Variants in ZBTB45 observed in about 807,000 individuals in gnomAD.
ZBTB45 encodes zinc finger and BTB domain-containing protein 45.
Under a neutral mutation model 28.4 loss-of-function variants are expected in ZBTB45, and 22 were observed. The observed-to-expected ratio is 0.77, with a 90% CI of 0.55 to 1.10. ZBTB45 has a LOEUF of 1.10. ZBTB45 is among the 50% of genes least tolerant of loss of function. ZBTB45 has a pLI of 0.00. For synonymous variants in ZBTB45, 361 were observed against 332.3 expected, an observed-to-expected ratio of 1.09 and a Z score of -0.94; for missense variants, 656 against 750.2, an observed-to-expected ratio of 0.87 and a Z score of 1.47.
Position 58,513,864 on chromosome 19 carries a change from T to G in ZBTB45, c.*190A>C. 1.5e-6 allele frequency: 1 copy of G among 655,874 alleles called. No homozygotes were observed. Among genetic ancestry groups the G allele is most frequent in the Non-Finnish European group, 2.2e-6 (1 of 445,168 alleles). 40.6% of individuals were successfully genotyped at this position (655,874 alleles called of 1,614,324 possible). ...CCCCAGCCCGGCACCACCTGGAGGG[T>G]TCAAGTACATGGAGGAGAGGAGTAA... On this transcript the variant is annotated 3_prime_UTR_variant, in exon 3 of 3. Coordinates refer to ENST00000594051, the MANE Select transcript of ZBTB45 (RefSeq NM_001316979.2).
At chr19:58,534,383 ATAT>A (rs761821447) in intron 1 of ZBTB45, among the ~76,000 whole-genome samples, 54 of 151,222 alleles carry the variant, frequency 3.6e-4, no homozygotes, top group East Asian at 7.7e-4. Flanking sequence ...TATTATGTGA[ATAT>A]TATTATTATT....
At chr19:58,532,399 G>A (rs1426806222) in intron 1 of ZBTB45, among the ~76,000 whole-genome samples, 1 of 152,122 alleles carries the variant, frequency 6.6e-6, no homozygotes, top group African/African-American at 2.4e-5. Flanking sequence ...AATAACGTAA[G>A]GCTACATGGC....
At chr19:58,533,696 C>T (rs1175204008) in intron 1 of ZBTB45, among the ~76,000 whole-genome samples, 1 of 152,198 alleles carries the variant, frequency 6.6e-6, no homozygotes, top group Non-Finnish European at 1.5e-5. Flanking sequence ...TGCTCCCACC[C>T]ATTCCCCAAC....
intron 1 of ZBTB45, among the ~76,000 whole-genome samples, chr19:58,538,437 T>C (rs1448827506): frequency 6.6e-6 from 1 of 151,894 alleles, no homozygotes; most frequent in Non-Finnish European, 1.5e-5. Flanking sequence ...GGCGTGGCCC[T>C]ATGAAGGGGC....
chr19:58,530,724 C>T (rs755433444), intron 1 of ZBTB45, among the ~76,000 whole-genome samples: 2 of 151,496 alleles, frequency 1.3e-5, no homozygotes, highest in South Asian at 2.1e-4. Context: ...CGCTCTGTCG[C>T]GCAGGCTGGA....
intron 1 of ZBTB45, among the ~76,000 whole-genome samples, chr19:58,525,602 C>G (rs1293724142): frequency 6.6e-6 from 1 of 152,068 alleles, no homozygotes; most frequent in African/African-American, 2.4e-5. Flanking sequence ...CCTGGTGGAG[C>G]CAGGGAGGTG....
Position 58,516,376 on chromosome 19 carries a change from C to T in ZBTB45, c.1279+19G>A, listed in dbSNP as rs2053493995. 1 of 1,613,780 alleles carries T rather than the reference C, an allele frequency of 6.2e-7. No homozygotes were observed. The highest frequency in any genetic ancestry group is 8.5e-7 in the Non-Finnish European group (1 of 1,179,764). ...CTCCGATGAGAGATTGCTCCCTCTC[C>T]TCCCCCGCCCTGGCTCACCCGAGTG... On this transcript the variant is annotated intron_variant, in intron 2 of 2. Transcript: ENST00000594051. The surrounding 1 kb of genome is among the most constrained non-coding windows in gnomAD (Gnocchi z 6.2).
At chr19:58,529,681 C>T (rs1393151857) in intron 1 of ZBTB45, among the ~76,000 whole-genome samples, 1 of 152,170 alleles carries the variant, frequency 6.6e-6, no homozygotes. Flanking sequence ...CATAGGTATA[C>T]ACATGCCATG....
rs201977488 is a variant in ZBTB45, at chr19:58,515,325, T to A, written c.1280-1015A>T. On this transcript the variant is annotated intron_variant, in intron 2 of 2. Transcript: ENST00000594051. This position sits in a 1 kb window ranked among gnomAD's most constrained non-coding sequence, Gnocchi z 4.7. Reference sequence around the variant, plus strand: ...AGGGAGACTCGGTCTCAAAAAAAATTAAAAAAAAAAAAACCCTATCTCAGT... The same window carrying A: ...AGGGAGACTCGGTCTCAAAAAAAATAAAAAAAAAAAAAACCCTATCTCAGT... 4.2e-5 allele frequency among the ~76,000 whole-genome samples: 6 copies of A among 144,308 alleles called. No homozygotes were observed. The highest frequency in any genetic ancestry group is 2.2e-4 in the South Asian group (1 of 4,556). 94.7% of individuals were successfully genotyped at this position (144,308 alleles called of 152,430 possible). A position where few individuals can be genotyped will look rare whatever the true frequency, so the allele number is the denominator to read the frequency against.
At chr19:58,530,012 G>A (rs2053627576) in intron 1 of ZBTB45, among the ~76,000 whole-genome samples, 1 of 152,096 alleles carries the variant, frequency 6.6e-6, no homozygotes, top group South Asian at 2.1e-4. Flanking sequence ...AGACCAGCCT[G>A]GGCAACGTTA....
upstream of ZBTB45, among the ~76,000 whole-genome samples, chr19:58,522,029 A>G (rs897768276): frequency 2.0e-5 from 3 of 152,012 alleles, no homozygotes; most frequent in South Asian, 2.1e-4. Flanking sequence ...ACCTCATTAA[A>G]ACACAAGTCT....
chr19:58,533,209 C>T (rs1171876361), intron 1 of ZBTB45, among the ~76,000 whole-genome samples: 5 of 152,124 alleles, frequency 3.3e-5, no homozygotes. Context: ...TGATCTCAGG[C>T]AAGCCTCCCG....
chr19:58,513,855 C>T lies in ZBTB45; in HGVS notation c.*199G>A, dbSNP rs1297686054. 8.1e-6 allele frequency: 5 copies of T among 615,704 alleles called. No homozygotes were observed. Among genetic ancestry groups the T allele is most frequent in the Non-Finnish European group, 9.8e-6 (4 of 408,438 alleles). 38.1% of individuals were successfully genotyped at this position (615,704 alleles called of 1,614,324 possible). On this transcript the variant is annotated 3_prime_UTR_variant, in exon 3 of 3. Coordinates refer to ENST00000594051, the MANE Select transcript of ZBTB45 (RefSeq NM_001316979.2). ...CAGCCCCAGCCCCAGCCCGGCACCACCTGGAGGGTTCAAGTACATGGAGGA... is the reference window on the plus strand; with the variant it reads ...CAGCCCCAGCCCCAGCCCGGCACCATCTGGAGGGTTCAAGTACATGGAGGA...
upstream of ZBTB45, among the ~76,000 whole-genome samples, chr19:58,524,619 C>G (rs1337255239): frequency 6.6e-6 from 1 of 151,830 alleles, no homozygotes; most frequent in Non-Finnish European, 1.5e-5. Context: ...TGCAGTGGCT[C>G]ACACCTGTAA....
At chr19:58,524,412 TGTG>T (rs1568648932), upstream of ZBTB45, among the ~76,000 whole-genome samples, 65 of 142,488 alleles carry the variant, frequency 4.6e-4, 1 homozygote, top group East Asian at 7.5e-3. Context: ...TATATGTGTG[TGTG>T]TGTGTGTGTG....
upstream of ZBTB45, among the ~76,000 whole-genome samples, chr19:58,522,470 C>A (rs998514002): frequency 1.3e-5 from 2 of 151,750 alleles, no homozygotes; most frequent in Non-Finnish European, 2.9e-5. Context: ...CCTGTCCCTA[C>A]TAAAAATACA....
upstream of ZBTB45, among the ~76,000 whole-genome samples, chr19:58,523,004 G>A (rs1458337727): frequency 6.6e-6 from 1 of 152,150 alleles, no homozygotes; most frequent in Non-Finnish European, 1.5e-5. Flanking sequence ...CAGCAGTGAA[G>A]GGTAGAAAGG....
At chr19:58,530,915 C>A (rs1488233836) in intron 1 of ZBTB45, among the ~76,000 whole-genome samples, 2 of 152,074 alleles carry the variant, frequency 1.3e-5, no homozygotes, top group Admixed American at 6.5e-5. Flanking sequence ...GATCTCCCGA[C>A]CTCATGATCC....
intron 1 of ZBTB45, chr19:58,519,219 G>C (rs1189667849): frequency 2.6e-5 from 4 of 152,476 alleles, no homozygotes; most frequent in South Asian, 2.1e-4. Flanking sequence ...CTGTGCCCGC[G>C]CAAAGGCTAA....
Sources: allele counts gnomAD v4.1 joint callset (sites outside exome capture counted in the v4.1 genomes callset), GRCh38; gene constraint gnomAD v4.1.1; non-coding constraint Gnocchi (gnomAD v3.1); transcripts MANE v1.5; gene names NCBI Gene and HGNC (gene_info 2026-07-23, HGNC 2026-07-21).